SMG7: variants seen among roughly 807,000 people sequenced by gnomAD.
SMG7 encodes the protein SMG7 nonsense mediated mRNA decay factor.
A neutral mutation model predicts 148.2 loss-of-function variants in SMG7; 34 were observed. The ratio of observed to expected loss-of-function variants is 0.23; its 90% CI spans 0.17 to 0.31. The LOEUF is 0.31. Among genes scored for constraint, SMG7 ranks in the 10% least tolerant of loss-of-function variants. The pLI, the probability that SMG7 is intolerant of heterozygous loss-of-function variation, is 1.00. For synonymous variants in SMG7, 492 were observed against 515.1 expected (o/e 0.96, Z 0.61); for missense variants, 1,114 against 1,408.4 (o/e 0.79, Z 3.35).
intron 8 of SMG7, among the ~76,000 whole-genome samples, chr1:183,532,960 A>G (rs1667128983): frequency 6.6e-6 from 1 of 152,240 alleles, no homozygotes; most frequent in African/African-American, 2.4e-5. Context: ...TGTGGTGTCT[A>G]GATTAATTCC....
Position 183,544,915 on chromosome 1 carries a change from T to A in SMG7, c.1988-15T>A. ...TGTTTCCTTAAAACTAAAGCTGTGT[T>A]CTTCTGTTTTGAAGGGTTTCCGCCC... On this transcript the variant is annotated splice_polypyrimidine_tract_variant and intron_variant, in intron 15 of 22. Coordinates refer to ENST00000688051, the MANE Select transcript of SMG7 (RefSeq NM_001375584.1). 1 of 1,603,322 alleles carries A rather than the reference T, an allele frequency of 6.2e-7. No homozygotes were observed. The highest frequency in any genetic ancestry group is 8.5e-7 in the Non-Finnish European group (1 of 1,173,370).
In SMG7 at chr1:183,539,051, G is replaced by A. The variant is rs551854526; in HGVS notation, c.1295+611G>A. ...TATAGTCCCAGCTACCCAGGAAGCT[G>A]AGGCAGGAGAATCGCTTGAACCCAG... is the stretch of plus-strand genomic sequence containing the variant. On this transcript the variant is annotated intron_variant, in intron 12 of 22. Coordinates refer to ENST00000688051, the MANE Select transcript of SMG7 (RefSeq NM_001375584.1). Among the ~76,000 whole-genome samples, 8 of 152,216 alleles carry A rather than the reference G, an allele frequency of 5.3e-5. 1 individual carries two copies. In the South Asian group the frequency reaches 1.7e-3, roughly 32 times the overall value.
chr1:183,536,390 A>G (rs757198548), intron 10 of SMG7, among the ~76,000 whole-genome samples: 19 of 152,278 alleles, frequency 1.2e-4, no homozygotes, highest in Non-Finnish European at 1.8e-4. Flanking sequence ...GTCATATATA[A>G]TACATCAGAT....
At chr1:183,482,195 T>G (rs1211419009) in intron 1 of SMG7, among the ~76,000 whole-genome samples, 2 of 151,998 alleles carry the variant, frequency 1.3e-5, no homozygotes, top group African/African-American at 4.8e-5. Flanking sequence ...TTTTGATTAG[T>G]CCATATCTCA....
chr1:183,498,580 G>T (rs542315448), intron 1 of SMG7, among the ~76,000 whole-genome samples: 15 of 152,312 alleles, frequency 9.8e-5, no homozygotes, highest in African/African-American at 2.4e-4. Flanking sequence ...AAAGGATGTG[G>T]TTACACTCTT....
intron 1 of SMG7, among the ~76,000 whole-genome samples, chr1:183,491,997 C>G (rs1420992923): frequency 6.6e-6 from 1 of 152,200 alleles, no homozygotes; most frequent in Non-Finnish European, 1.5e-5. Flanking sequence ...TGATCTCATC[C>G]ATGAAGGCAG....
intron 2 of SMG7, chr1:183,513,114 T>C (rs1467662864): frequency 7.6e-6 from 3 of 395,016 alleles, no homozygotes; most frequent in African/African-American, 6.2e-5. Flanking sequence ...ATTTAGTTTA[T>C]ATAATCACTT....
At chr1:183,528,772 A>T (rs909048483) in intron 6 of SMG7, 120 bp from the exon 7 acceptor site, 12 of 869,270 alleles carry the variant, frequency 1.4e-5, no homozygotes, top group Non-Finnish European at 2.0e-5. Context: ...TGAGGCAGTC[A>T]TATTTACCTT....
At chr1:183,516,030 C>G (rs752674945) in intron 3 of SMG7, 39 bp downstream of exon 3, 1 of 1,225,664 alleles carries the variant, frequency 8.2e-7, no homozygotes, top group South Asian at 1.3e-5. Flanking sequence ...CCTGTAAGAT[C>G]AAGAATTTCA....
chr1:183,520,804 A>C (rs1571965259), intron 4 of SMG7, among the ~76,000 whole-genome samples: 1 of 152,336 alleles, frequency 6.6e-6, no homozygotes, highest in East Asian at 1.9e-4. Flanking sequence ...CATCATTTTT[A>C]TTGAGGGAGT....
At chr1:183,477,654 G>A (rs1473982154) in intron 1 of SMG7, among the ~76,000 whole-genome samples, 1 of 128,100 alleles carries the variant, frequency 7.8e-6, no homozygotes, top group Non-Finnish European at 1.6e-5. Flanking sequence ...ATACGTGTGT[G>A]CATATGTGTA....
intron 4 of SMG7, among the ~76,000 whole-genome samples, chr1:183,523,618 TTTCTC>T (rs987195256): frequency 2.5e-4 from 38 of 152,296 alleles, no homozygotes; most frequent in African/African-American, 8.9e-4. Context: ...GAAACATCCT[TTTCTC>T]TTCTTTAGTT....
At chr1:183,530,160 G>T (rs943497386) in intron 8 of SMG7, among the ~76,000 whole-genome samples, 4 of 151,670 alleles carry the variant, frequency 2.6e-5, no homozygotes, top group Non-Finnish European at 5.9e-5. Context: ...ACTACTCATC[G>T]GTCATTGTTT....
intron 12 of SMG7, among the ~76,000 whole-genome samples, chr1:183,540,674 T>C (rs1668661362): frequency 1.3e-5 from 2 of 152,212 alleles, no homozygotes; most frequent in Non-Finnish European, 2.9e-5. Context: ...AAAACTTTAT[T>C]CTTAAAATGA....
intron 10 of SMG7, among the ~76,000 whole-genome samples, chr1:183,535,585 C>G (rs766923205): frequency 3.3e-5 from 5 of 152,052 alleles, no homozygotes; most frequent in Non-Finnish European, 7.4e-5. Context: ...ATGACTGTTT[C>G]TTTTGTGAAC....
chr1:183,490,451 T>C (rs1169769757), intron 1 of SMG7, among the ~76,000 whole-genome samples: 1 of 152,196 alleles, frequency 6.6e-6, no homozygotes, highest in African/African-American at 2.4e-5. Flanking sequence ...ATTTTAAGTA[T>C]AAAATATTTT....
intron 1 of SMG7, among the ~76,000 whole-genome samples, chr1:183,511,578 A>G (rs1323781721): frequency 1.3e-5 from 2 of 152,190 alleles, no homozygotes; most frequent in East Asian, 3.8e-4. Context: ...AGAGTAGTGG[A>G]AGTAGAGTTC....
At chr1:183,503,849 T>C (rs1270263736) in intron 1 of SMG7, among the ~76,000 whole-genome samples, 2 of 152,220 alleles carry the variant, frequency 1.3e-5, no homozygotes, top group Admixed American at 1.3e-4. Context: ...GAAACAGTCT[T>C]CTTAAAAGCT....
intron 1 of SMG7, among the ~76,000 whole-genome samples, chr1:183,482,831 C>A (rs1263748100): frequency 1.3e-5 from 2 of 152,036 alleles, no homozygotes; most frequent in Non-Finnish European, 2.9e-5. Context: ...GACTAATGTA[C>A]ATGTAATTCT....
Sources: allele counts gnomAD v4.1 joint callset (sites outside exome capture counted in the v4.1 genomes callset), GRCh38; gene constraint gnomAD v4.1.1; transcripts MANE v1.5; gene names NCBI Gene and HGNC (gene_info 2026-07-23, HGNC 2026-07-21).